Variants in UVRAG observed in about 807,000 individuals in gnomAD.
UVRAG encodes UV radiation resistance-associated gene protein.
In UVRAG, 19 loss-of-function variants were observed where a neutral mutation model predicts 78.0. The ratio of observed to expected loss-of-function variants is 0.24; its 90% CI spans 0.17 to 0.36. The LOEUF is 0.36. Ranked by LOEUF, UVRAG falls within the 10% of genes least tolerant of loss-of-function variation. The pLI, the probability that UVRAG is intolerant of heterozygous loss-of-function variation, is 1.00. For missense variants in UVRAG, 740 were observed against 853.8 expected (o/e 0.87, Z 1.66); for synonymous variants, 323 against 324.6 (o/e 1.00, Z 0.05).
chr11:75,818,639 C>T (rs1300541953), intron 1 of UVRAG, among the ~76,000 whole-genome samples: 2 of 151,884 alleles, frequency 1.3e-5, no homozygotes, highest in African/African-American at 2.4e-5. Flanking sequence ...CCACCACGCC[C>T]AGCTAATTTT....
chr11:75,828,462 A>G (rs865826921), intron 1 of UVRAG, among the ~76,000 whole-genome samples: 2,289 of 145,920 alleles, frequency 0.016, 77 homozygotes, highest in African/African-American at 0.056. Context: ...AAAAAAAAAA[A>G]GACACCAGTC....
chr11:76,062,941 TACAAA>T (rs1191944825), intron 12 of UVRAG, among the ~76,000 whole-genome samples: 4 of 152,226 alleles, frequency 2.6e-5, no homozygotes, highest in Non-Finnish European at 5.9e-5. Context: ...TCTAACCTAG[TACAAA>T]GTAGTTATCA....
chr11:75,884,240 T>TCTTTCTCTCTC (rs1555080662), intron 4 of UVRAG, among the ~76,000 whole-genome samples: 4 of 132,470 alleles, frequency 3.0e-5, no homozygotes, highest in African/African-American at 1.3e-4. Context: ...CTCTCTCTCT[T>TCTTTCTCTCTC]TCTCTCTCTC....
chr11:76,059,702 C>T (rs1951046698), intron 12 of UVRAG, among the ~76,000 whole-genome samples: 1 of 152,176 alleles, frequency 6.6e-6, no homozygotes, highest in African/African-American at 2.4e-5. Context: ...AATGATTTGT[C>T]AGCTTGGTGA....
chr11:75,999,235 AG>A (rs2135320018), intron 8 of UVRAG, among the ~76,000 whole-genome samples: 1 of 9,088 alleles, frequency 1.1e-4, no homozygotes, highest in East Asian at 7.9e-4. Flanking sequence ...TCTGCCTCAG[AG>A]AAAAAAAAAA....
At chr11:76,105,216 C>T (rs543956657) in intron 13 of UVRAG, among the ~76,000 whole-genome samples, 197 of 152,178 alleles carry the variant, frequency 1.3e-3, no homozygotes, top group African/African-American at 4.6e-3. Flanking sequence ...TCAGCTTGGG[C>T]GACATTGCCA....
In UVRAG at chr11:75,857,496, C is replaced by CT. The variant is rs1565348345; in HGVS notation, c.236-4250_236-4249insT. 2.4e-3 allele frequency among the ~76,000 whole-genome samples: 364 copies of CT among 151,628 alleles called. 5 individuals carry two copies. Among genetic ancestry groups the CT allele is most frequent in the African/African-American group, 8.4e-3 (346 of 41,234 alleles). The stretch of plus-strand genomic sequence containing the variant: ...TTGCAGATCTTTCTTTTTCCCCCCC[C>CT]CTTTTTTTTTTGAGATGGAGTCTCG... On this transcript the variant is annotated intron_variant, in intron 2 of 14. Transcript: ENST00000356136.
intron 1 of UVRAG, among the ~76,000 whole-genome samples, chr11:75,843,957 T>TAAAA (rs557175299): frequency 1.4e-4 from 16 of 115,006 alleles, no homozygotes; most frequent in African/African-American, 5.0e-4. Context: ...AGACGCCATC[T>TAAAA]AAAAAAAAAA....
At chr11:76,045,228 A>G (rs1422929085) in intron 12 of UVRAG, among the ~76,000 whole-genome samples, 4 of 152,256 alleles carry the variant, frequency 2.6e-5, no homozygotes, top group Non-Finnish European at 4.4e-5. Flanking sequence ...GATTGTACAT[A>G]TAAGAACGTG....
intron 5 of UVRAG, among the ~76,000 whole-genome samples, chr11:75,894,790 T>A: frequency 8.6e-6 from 1 of 116,934 alleles, no homozygotes; most frequent in Admixed American, 1.0e-4. Flanking sequence ...AAAGTGAGAC[T>A]CCCGTCTCTA....
chr11:75,987,657 G>T lies in UVRAG; in HGVS notation c.826+4144G>T, dbSNP rs562932419. Among the ~76,000 whole-genome samples the T allele has an allele frequency of 3.3e-5, 5 of 151,662 alleles. No homozygotes were observed. In the South Asian group the frequency reaches 1.0e-3, roughly 32 times the overall value. ...TAGAGGGTTTAATAAAACATAGAAG[G>T]TTTACTATAAGCATTTTTGTAGTTC... On this transcript the variant is annotated intron_variant, in intron 8 of 14. Transcript: ENST00000356136.
chr11:75,936,324 C>T (rs1948372939), intron 6 of UVRAG, among the ~76,000 whole-genome samples: 1 of 152,290 alleles, frequency 6.6e-6, no homozygotes, highest in Non-Finnish European at 1.5e-5. Context: ...AATCAAATCT[C>T]TGTCCACTAG....
rs76478724 is a variant in UVRAG, at chr11:75,989,493, A to G, written c.826+5980A>G. Among the ~76,000 whole-genome samples the G allele has an allele frequency of 4.5e-3, 679 of 152,194 alleles. 4 individuals are homozygous for G. The highest frequency in any genetic ancestry group is 0.015 in the African/African-American group (604 of 41,514). ...CATTATACTAGGCTGCCTCTTATCTATTGTCTGAAAACTGTTGTTACATAT... is the reference window on the plus strand; with the variant it reads ...CATTATACTAGGCTGCCTCTTATCTGTTGTCTGAAAACTGTTGTTACATAT... On this transcript the variant is annotated intron_variant, in intron 8 of 14. Coordinates refer to ENST00000356136, the MANE Select transcript of UVRAG (RefSeq NM_003369.4).
chr11:75,847,561 T>C (rs1376047681), intron 1 of UVRAG, among the ~76,000 whole-genome samples: 2 of 152,168 alleles, frequency 1.3e-5, no homozygotes, highest in Admixed American at 6.5e-5. Context: ...TATGAGCCAC[T>C]GTGCCTGGCT....
At position 76,008,801 on chromosome 11, in the gene UVRAG, T is replaced by A; in HGVS notation, c.1000-6T>A. ...TATTAATTTTATTCTTTAATTAAATTCACAGAATGAACATAAGGATTACTT... is the reference window on the plus strand; with the variant it reads ...TATTAATTTTATTCTTTAATTAAATACACAGAATGAACATAAGGATTACTT... On this transcript the variant is annotated splice_polypyrimidine_tract_variant and splice_region_variant and intron_variant, in intron 10 of 14. Coordinates refer to ENST00000356136, the MANE Select transcript of UVRAG (RefSeq NM_003369.4). 7.0e-7 allele frequency: 1 copy of A among 1,432,892 alleles called. No homozygotes were observed. The highest frequency in any genetic ancestry group is 1.4e-5 in the South Asian group (1 of 71,684). The allele number at this position is 1,432,892 out of a possible 1,614,324, so 88.8% of individuals were successfully genotyped here.
chr11:76,092,163 G>A (rs1951711519), intron 13 of UVRAG, among the ~76,000 whole-genome samples: 2 of 152,140 alleles, frequency 1.3e-5, no homozygotes, highest in Non-Finnish European at 2.9e-5. Flanking sequence ...CAAAGGACAT[G>A]AACTCATCCT....
chr11:76,080,253 A>G (rs901799184), intron 13 of UVRAG, among the ~76,000 whole-genome samples: 3 of 152,236 alleles, frequency 2.0e-5, no homozygotes, highest in Admixed American at 2.0e-4. Context: ...ATTTTTGTGA[A>G]GATTAGGTAG....
chr11:75,943,999 G>T (rs544679528), intron 6 of UVRAG, among the ~76,000 whole-genome samples: 4 of 152,238 alleles, frequency 2.6e-5, no homozygotes, highest in South Asian at 4.1e-4. Flanking sequence ...GAGGTGCAGA[G>T]AATTTATTAG....
chr11:75,948,706 T>C (rs1303635785), intron 6 of UVRAG, among the ~76,000 whole-genome samples: 1 of 152,134 alleles, frequency 6.6e-6, no homozygotes. Context: ...TGACTAGAAG[T>C]ACATATATGT....
Sources: allele counts gnomAD v4.1 joint callset (sites outside exome capture counted in the v4.1 genomes callset), GRCh38; gene constraint gnomAD v4.1.1; transcripts MANE v1.5; gene names NCBI Gene and HGNC (gene_info 2026-07-23, HGNC 2026-07-21).